Variants in TRAF3 observed in about 807,000 individuals in gnomAD.
TRAF3 encodes TNF receptor associated factor 3, also known as TNF receptor-associated factor 3.
In TRAF3, 13 loss-of-function variants were observed where a neutral mutation model predicts 62.3. That is an observed-to-expected ratio of 0.21 (90% CI 0.14 to 0.33). The LOEUF (loss-of-function observed/expected upper bound fraction) is 0.33. TRAF3 is among the 10% of genes least tolerant of loss of function. The pLI is 1.00. For synonymous variants in TRAF3, 269 were observed against 283.4 expected, an observed-to-expected ratio of 0.95 and a Z score of 0.51; for missense variants, 440 against 741.8, an observed-to-expected ratio of 0.59 and a Z score of 4.73.
rs909482186 is a variant in TRAF3, at chr14:102,908,282, C to G, written c.*2498C>G. On this transcript the variant is annotated 3_prime_UTR_variant, in exon 12 of 12. Transcript: ENST00000392745. ...CAGGAGTCCTTGAGGATGGGATGGC[C>G]TATGTCACACACTTTGTCCTTGAAC... 1 of 152,372 alleles carries G rather than the reference C, an allele frequency of 6.6e-6. No homozygotes were observed. The highest frequency in any genetic ancestry group is 1.5e-5 in the Non-Finnish European group (1 of 68,166). The allele number at this position is 152,372 out of a possible 1,614,324, so 9.4% of individuals were successfully genotyped here.
Position 102,838,038 on chromosome 14 carries a change from C to T in TRAF3, c.-18+7566C>T, listed in dbSNP as rs1296659389. 3.9e-5 allele frequency among the ~76,000 whole-genome samples: 6 copies of T among 152,154 alleles called. No individual in the cohort carries two copies. In the South Asian group the frequency reaches 6.2e-4, roughly 16 times the overall value. On this transcript the variant is annotated intron_variant, in intron 2 of 11. Transcript: ENST00000392745. ...GTGAGCCTGTCTTTGTTGAGGTAGT[C>T]GCGGTGTGATAACAGACATAGTAGT...
At chr14:102,891,784 C>T (rs1315278098) in intron 9 of TRAF3, among the ~76,000 whole-genome samples, 1 of 151,964 alleles carries the variant, frequency 6.6e-6, no homozygotes, top group Non-Finnish European at 1.5e-5. Context: ...GCTTCTTTTG[C>T]TCGAAAGCAG....
At chr14:102,835,889 T>C (rs1162583282) in intron 2 of TRAF3, among the ~76,000 whole-genome samples, 1 of 152,198 alleles carries the variant, frequency 6.6e-6, no homozygotes, top group Non-Finnish European at 1.5e-5. Context: ...CCTGCACATG[T>C]ACTTCTGAAC....
chr14:102,842,922 T>C (rs1003531429), intron 2 of TRAF3, among the ~76,000 whole-genome samples: 1 of 152,118 alleles, frequency 6.6e-6, no homozygotes, highest in Non-Finnish European at 1.5e-5. Flanking sequence ...TAAAGAAATT[T>C]TTAGGCCAGG....
intron 1 of TRAF3, among the ~76,000 whole-genome samples, chr14:102,785,935 C>T (rs566512794): frequency 6.6e-6 from 1 of 152,238 alleles, no homozygotes; most frequent in African/African-American, 2.4e-5. Flanking sequence ...GAGGTGGTGG[C>T]GTGAGAGCCT....
At position 102,897,665 on chromosome 14, in the gene TRAF3, G is replaced by A. The variant is rs142624658; in HGVS notation, c.960+264G>A. Among the ~76,000 whole-genome samples the A allele has an allele frequency of 1.1e-4, 16 of 152,338 alleles. No homozygotes were observed. In the East Asian group the frequency reaches 1.9e-3, roughly 18 times the overall value. ...CCCTCTTCCATGCCTTTGATCTACCGTTGGAGAAATAAGATGCGAAGCTTG... is the reference window on the plus strand; with the variant it reads ...CCCTCTTCCATGCCTTTGATCTACCATTGGAGAAATAAGATGCGAAGCTTG... On this transcript the variant is annotated intron_variant, in intron 10 of 11. Transcript: ENST00000392745.
chr14:102,846,822 TCAAA>T (rs1326132154), intron 2 of TRAF3, among the ~76,000 whole-genome samples: 1 of 151,964 alleles, frequency 6.6e-6, no homozygotes. Context: ...CGTCAACAAA[TCAAA>T]CAAAATCATT....
chr14:102,807,246 C>T (rs1163325016), intron 1 of TRAF3, among the ~76,000 whole-genome samples: 1 of 152,192 alleles, frequency 6.6e-6, no homozygotes, highest in East Asian at 1.9e-4. Flanking sequence ...CTTGCGTCTC[C>T]CTGCTGCCCC....
intron 6 of TRAF3, among the ~76,000 whole-genome samples, chr14:102,877,372 C>A (rs1382085314): frequency 1.4e-5 from 2 of 147,322 alleles, no homozygotes; most frequent in Non-Finnish European, 3.0e-5. Context: ...ATTCCACAGG[C>A]CTTCCGCTCA....
In TRAF3 at chr14:102,909,262, T is replaced by C. The variant is rs1890743004; in HGVS notation, c.*3478T>C. ...TAGGAGCCATCAAGCATGAATGTGGTTCTGTCTCCTGAGCGCAAGCCTCGC... is the reference window on the plus strand; with the variant it reads ...TAGGAGCCATCAAGCATGAATGTGGCTCTGTCTCCTGAGCGCAAGCCTCGC... On this transcript the variant is annotated 3_prime_UTR_variant, in exon 12 of 12. Coordinates refer to ENST00000392745, the MANE Select transcript of TRAF3 (RefSeq NM_145725.3). 6.6e-6 allele frequency: 1 copy of C among 152,214 alleles called. No individual in the cohort carries two copies. Among genetic ancestry groups the C allele is most frequent in the Admixed American group, 6.5e-5 (1 of 15,286 alleles). The allele number at this position is 152,214 out of a possible 1,614,324, so 9.4% of individuals were successfully genotyped here.
intron 7 of TRAF3, among the ~76,000 whole-genome samples, chr14:102,889,238 C>T (rs1295947617): frequency 6.6e-6 from 1 of 152,142 alleles, no homozygotes; most frequent in Non-Finnish European, 1.5e-5. Flanking sequence ...TTTAAATGTG[C>T]ATTTCAGTTT....
In TRAF3 at chr14:102,876,523, C is replaced by A. The variant is rs1005450366; in HGVS notation, c.568C>A (p.Gln190Lys). 1.9e-5 allele frequency: 31 copies of A among 1,613,248 alleles called. No individual in the cohort carries two copies. The highest frequency in any genetic ancestry group is 2.5e-5 in the Non-Finnish European group (30 of 1,179,776). ...GAGTCAGGTTCCGATGATCGCGCTG[C>A]AGGTGCGGGTCCTCCCATTCCACAG... The part of the protein sequence containing the change: ...CKSQVPMIAL[Q>K]KHEDTDCPCV... The change falls in exon 6 of 12, where the codon CAG becomes AAG. Residue 190 changes from glutamine (Q) to lysine (K), a missense_variant and splice_region_variant. Gln to Lys is a moderately conservative substitution (Grantham distance 53). Around this residue, in one of 6 missense-constraint regions of TRAF3, gnomAD observed 255 missense variants for 424.1 expected, o/e 0.60. Transcript: ENST00000392745.
Position 102,870,318 on chromosome 14 carries a change from C to T in TRAF3, c.117C>T (p.Tyr39=). 6.2e-7 allele frequency: 1 copy of T among 1,614,198 alleles called. No individual in the cohort carries two copies. Among genetic ancestry groups the T allele is most frequent in the Non-Finnish European group, 8.5e-7 (1 of 1,180,034 alleles). The change falls in exon 3 of 12, where the codon TAC becomes TAT. Residue 39 remains tyrosine (Y), a synonymous_variant. Coordinates refer to ENST00000392745, the MANE Select transcript of TRAF3 (RefSeq NM_145725.3). The stretch of plus-strand genomic sequence containing the variant: ...TTTTTGTCCCTGAACAAGGAGGTTA[C>T]AAGGAAAAGTTTGTGAAGACCGTGG... ...TPVFVPEQGG[Y]KEKFVKTVED...
At chr14:102,872,518 G>A (rs983357543) in intron 4 of TRAF3, among the ~76,000 whole-genome samples, 4 of 152,174 alleles carry the variant, frequency 2.6e-5, no homozygotes, top group East Asian at 1.9e-4. Flanking sequence ...GCTAGAGCCC[G>A]TGGGCGTCTC....
chr14:102,821,809 C>T (rs555917830), intron 1 of TRAF3, among the ~76,000 whole-genome samples: 8 of 152,188 alleles, frequency 5.3e-5, no homozygotes, highest in East Asian at 3.9e-4. Flanking sequence ...TTTGGGAGCC[C>T]GAGGCAGGCA....
At chr14:102,824,996 TC>T (rs1900212495) in intron 1 of TRAF3, among the ~76,000 whole-genome samples, 1 of 152,188 alleles carries the variant, frequency 6.6e-6, no homozygotes, top group Non-Finnish European at 1.5e-5. Flanking sequence ...CAGTTGAAAA[TC>T]AACATCATGT....
In TRAF3 at chr14:102,847,231, T is replaced by C. The variant is rs185446887; in HGVS notation, c.-18+16759T>C. ...TGTCGCCCAGACTGGAGTGCAGTGG[T>C]GTGCATGATCTCAGCTCACTGCAGC... On this transcript the variant is annotated intron_variant, in intron 2 of 11. Transcript: ENST00000392745. Among the ~76,000 whole-genome samples the C allele has an allele frequency of 5.7e-3, 869 of 152,272 alleles. 9 individuals are homozygous for C. The highest frequency in any genetic ancestry group is 9.9e-3 in the Admixed American group (151 of 15,294).
Position 102,865,582 on chromosome 14 carries a change from C to T in TRAF3, c.-17-4603C>T, listed in dbSNP as rs376785850. Among the ~76,000 whole-genome samples the T allele has an allele frequency of 1.3e-4, 19 of 151,608 alleles. No homozygotes were observed. In the East Asian group the frequency reaches 3.3e-3, roughly 26 times the overall value. ...TGGCACGATCTCGGGTCACTGAAACCTCTGCCTCCCAGGTTCAAGCAATTC... is the reference window on the plus strand; with the variant it reads ...TGGCACGATCTCGGGTCACTGAAACTTCTGCCTCCCAGGTTCAAGCAATTC... On this transcript the variant is annotated intron_variant, in intron 2 of 11. Coordinates refer to ENST00000392745, the MANE Select transcript of TRAF3 (RefSeq NM_145725.3).
chr14:102,900,680 C>G (rs1339777034), intron 10 of TRAF3, among the ~76,000 whole-genome samples: 3 of 152,208 alleles, frequency 2.0e-5, no homozygotes, highest in South Asian at 2.1e-4. Flanking sequence ...CCGGCACCAC[C>G]GGGCTTCTCA....
Sources: gnomAD v4.1 joint callset for allele counts (sites outside exome capture counted in the v4.1 genomes callset) on GRCh38, gnomAD v4.1.1 for gene constraint, gnomAD v4.1.1 regional missense constraint, MANE v1.5 for transcripts, NCBI Gene and HGNC (gene_info 2026-07-23, HGNC 2026-07-21) for gene names.